The following GALNT16 variants were observed in gnomAD, a reference collection of about 807,000 sequenced individuals.
GALNT16 encodes the protein polypeptide N-acetylgalactosaminyltransferase 16, also known as UDP-GalNAc:polypeptide N-acetylgalactosaminyltransferase-like protein 1.
Under a neutral mutation model 76.1 loss-of-function variants are expected in GALNT16, and 40 were observed. The observed-to-expected ratio is 0.53, with a 90% confidence interval of 0.41 to 0.68. The LOEUF (loss-of-function observed/expected upper bound fraction) is 0.68. GALNT16 is among the 30% of genes least tolerant of loss of function. GALNT16 has a pLI of 0.00. For missense variants in GALNT16, 621 were observed against 731.9 expected (o/e 0.85, Z 1.75); for synonymous variants, 276 against 285.2 (o/e 0.97, Z 0.32).
At chr14:69,349,536 C>T (rs1378288) in intron 14 of GALNT16, 8,748 of 152,234 alleles carry the variant, frequency 0.057, 882 homozygotes, top group African/African-American at 0.2. Context: ...GAATCCGGGC[C>T]GTCCTTCTTG....
chr14:69,319,940 G>A (rs968183650), intron 1 of GALNT16, among the ~76,000 whole-genome samples: 6 of 152,206 alleles, frequency 3.9e-5, no homozygotes, highest in African/African-American at 1.4e-4. Flanking sequence ...TTACTGATCG[G>A]GTGCCTCATA....
At chr14:69,308,877 A>G (rs2044976172) in intron 1 of GALNT16, among the ~76,000 whole-genome samples, 1 of 152,248 alleles carries the variant, frequency 6.6e-6, no homozygotes, top group Non-Finnish European at 1.5e-5. Flanking sequence ...TCATTCACCA[A>G]TGTATAAAAG....
intron 1 of GALNT16, among the ~76,000 whole-genome samples, chr14:69,290,923 C>A (rs1203929092): frequency 1.3e-5 from 2 of 152,230 alleles, no homozygotes; most frequent in African/African-American, 4.8e-5. Flanking sequence ...CCACAGAGCT[C>A]CCTTGAGAGA....
chr14:69,334,081 G>T (rs1266749774), intron 9 of GALNT16, among the ~76,000 whole-genome samples: 1 of 152,264 alleles, frequency 6.6e-6, no homozygotes, highest in African/African-American at 2.4e-5. Flanking sequence ...TAAAGTCTGA[G>T]TTTCCTCAAG....
chr14:69,330,647 A>C (rs1395627842), intron 6 of GALNT16, among the ~76,000 whole-genome samples: 5 of 152,234 alleles, frequency 3.3e-5, no homozygotes, highest in Non-Finnish European at 7.3e-5. Flanking sequence ...ACTGAGGGGC[A>C]GAGCTGGATT....
At chr14:69,369,800 C>T in the GALNT16 span, among the ~76,000 whole-genome samples, 37 of 152,294 alleles carry the variant, frequency 2.4e-4, no homozygotes, top group African/African-American at 8.9e-4. Context: ...ATGAGTCTTC[C>T]GACTCCCTGA....
intron 11 of GALNT16, among the ~76,000 whole-genome samples, chr14:69,340,959 A>T (rs972100392): frequency 4.6e-5 from 7 of 152,238 alleles, no homozygotes; most frequent in African/African-American, 1.7e-4. Flanking sequence ...AATGATGATC[A>T]ATGAATCTTC....
Position 69,285,037 on chromosome 14 carries a change from A to ATT in GALNT16, c.177+24570_177+24571insTT, listed in dbSNP as rs2044591753. 2.0e-5 allele frequency among the ~76,000 whole-genome samples: 2 copies of ATT among 101,508 alleles called. 1 individual carries two copies. Among genetic ancestry groups the ATT allele is most frequent in the African/African-American group, 7.1e-5 (2 of 28,320 alleles). The allele number at this position is 101,508 out of a possible 152,430, so 66.6% of individuals were successfully genotyped here. On this transcript the variant is annotated intron_variant, in intron 1 of 14. Transcript: ENST00000448469. ...CTTTATATGTTACCCAGTCTCGGGC[A>ATT]CTCTTTTTTTTTTTTTTTTTTGAGA... is the stretch of plus-strand genomic sequence containing the variant.
chr14:69,346,999 G>C lies in GALNT16; in HGVS notation c.1272-41G>C, dbSNP rs201578003. On this transcript the variant is annotated intron_variant, in intron 12 of 14. Transcript: ENST00000448469. The stretch of plus-strand genomic sequence containing the variant: ...CTGGCAGAGGGTGTAGGTAAGCCTT[G>C]GGGGGGAAAGCACAAGCCTGACTGC... 206 of 1,611,640 alleles carry C rather than the reference G, an allele frequency of 1.3e-4. 4 individuals carry two copies. The South Asian group carries it at 2.1e-3, about 17-fold the overall frequency.
At chr14:69,381,832 G>A in the GALNT16 span, among the ~76,000 whole-genome samples, 2 of 152,126 alleles carry the variant, frequency 1.3e-5, no homozygotes, top group Non-Finnish European at 2.9e-5. Flanking sequence ...AAGACTATAG[G>A]TGTGTGCCAC....
the GALNT16 span, among the ~76,000 whole-genome samples, chr14:69,374,883 C>G: frequency 6.6e-6 from 1 of 152,126 alleles, no homozygotes; most frequent in Non-Finnish European, 1.5e-5. Context: ...AGAAAGAGAG[C>G]AGGGGGACTG....
chr14:69,336,534 G>A (rs2045417373), intron 9 of GALNT16, among the ~76,000 whole-genome samples: 1 of 152,052 alleles, frequency 6.6e-6, no homozygotes. Flanking sequence ...TCTGTTTCAG[G>A]TCTTGGCTCA....
intron 1 of GALNT16, among the ~76,000 whole-genome samples, chr14:69,269,568 TAG>T (rs1491238938): frequency 1.3e-5 from 2 of 149,684 alleles, no homozygotes; most frequent in Non-Finnish European, 3.0e-5. Flanking sequence ...TGTGTGTATA[TAG>T]TGTGTGTGTG....
chr14:69,305,233 G>A (rs1051357847), intron 1 of GALNT16, among the ~76,000 whole-genome samples: 6 of 144,540 alleles, frequency 4.2e-5, no homozygotes, highest in South Asian at 2.2e-4. Context: ...GTGTGATCTC[G>A]GCTCACTGAA....
chr14:69,320,623 C>A, intron 1 of GALNT16, 88 bp from the exon 2 acceptor site: 1 of 1,243,826 alleles, frequency 8.0e-7, no homozygotes, highest in Non-Finnish European at 1.1e-6. Context: ...GGCCACGTGG[C>A]TGGCTCCCGC....
At chr14:69,283,733 C>T (rs1474704230) in intron 1 of GALNT16, among the ~76,000 whole-genome samples, 1 of 152,216 alleles carries the variant, frequency 6.6e-6, no homozygotes, top group Non-Finnish European at 1.5e-5. Context: ...TGATTATTTA[C>T]TCTAAGTGGT....
At chr14:69,375,769 G>C in the GALNT16 span, among the ~76,000 whole-genome samples, 1 of 152,154 alleles carries the variant, frequency 6.6e-6, no homozygotes, top group African/African-American at 2.4e-5. Flanking sequence ...GAGTAGTTAG[G>C]ACTACAGGCA....
intron 1 of GALNT16, among the ~76,000 whole-genome samples, chr14:69,311,074 CTT>C (rs1440880036): frequency 6.6e-6 from 1 of 152,158 alleles, no homozygotes; most frequent in Non-Finnish European, 1.5e-5. Context: ...GTGGTCCTGT[CTT>C]TGTGCTGCTG....
chr14:69,269,565 A>G (rs534320267), intron 1 of GALNT16, among the ~76,000 whole-genome samples: 187 of 137,538 alleles, frequency 1.4e-3, no homozygotes, highest in African/African-American at 4.9e-3. Flanking sequence ...GTTTGTGTGT[A>G]TATAGTGTGT....
Sources: gnomAD v4.1 joint callset for allele counts (sites outside exome capture counted in the v4.1 genomes callset) on GRCh38, gnomAD v4.1.1 for gene constraint, MANE v1.5 for transcripts, NCBI Gene and HGNC (gene_info 2026-07-23, HGNC 2026-07-21) for gene names.